ANK3: variants seen among roughly 807,000 people sequenced by gnomAD.
ANK3 encodes the protein ankyrin-3.
ANK3 carries 57 observed loss-of-function variants against 370.9 expected under a neutral mutation model. That is an observed-to-expected ratio of 0.15 (90% CI 0.12 to 0.19). ANK3 has a LOEUF of 0.19. ANK3 is among the 10% of genes least tolerant of loss of function. ANK3 has a pLI of 1.00. For missense variants in ANK3, 4,439 were observed against 5,302.1 expected (o/e 0.84, Z 5.06); for synonymous variants, 1,929 against 1,946.3 (o/e 0.99, Z 0.23).
intron 2 of ANK3, among the ~76,000 whole-genome samples, chr10:60,560,302 T>C (rs1405539863): frequency 6.6e-6 from 1 of 152,200 alleles, no homozygotes; most frequent in Non-Finnish European, 1.5e-5. Context: ...AGCTTTGTTC[T>C]AGAAATTCCC....
intron 2 of ANK3, among the ~76,000 whole-genome samples, chr10:60,451,321 C>A (rs963032036): frequency 8.5e-5 from 13 of 152,164 alleles, no homozygotes; most frequent in Non-Finnish European, 1.5e-5. Flanking sequence ...GCTATGGCAA[C>A]CCTTGGAAAC....
At chr10:60,596,689 T>C (rs1427845127) in intron 2 of ANK3, among the ~76,000 whole-genome samples, 3 of 152,256 alleles carry the variant, frequency 2.0e-5, no homozygotes, top group South Asian at 4.1e-4. Flanking sequence ...TTGAAACAAG[T>C]AAATTACAAG....
At chr10:60,589,302 G>T (rs2133290354) in intron 2 of ANK3, among the ~76,000 whole-genome samples, 1 of 152,178 alleles carries the variant, frequency 6.6e-6, no homozygotes, top group East Asian at 1.9e-4. Flanking sequence ...TTCTAATTTT[G>T]CACATATATG....
intron 2 of ANK3, among the ~76,000 whole-genome samples, chr10:60,514,052 C>T (rs773254138): frequency 6.6e-6 from 1 of 152,124 alleles, no homozygotes; most frequent in Non-Finnish European, 1.5e-5. Flanking sequence ...TTATCTACTT[C>T]CTCTCAATGA....
intron 2 of ANK3, among the ~76,000 whole-genome samples, chr10:60,580,078 G>A (rs1204951555): frequency 6.6e-6 from 1 of 152,122 alleles, no homozygotes; most frequent in African/African-American, 2.4e-5. Flanking sequence ...ATATTATGCT[G>A]TGTTTTAATT....
At chr10:60,593,010 T>C (rs2077938177) in intron 2 of ANK3, among the ~76,000 whole-genome samples, 1 of 152,220 alleles carries the variant, frequency 6.6e-6, no homozygotes, top group Non-Finnish European at 1.5e-5. Flanking sequence ...TCTTTCCCTT[T>C]TTCTTCCCTC....
intron 14 of ANK3, among the ~76,000 whole-genome samples, chr10:60,198,132 T>A (rs971325129): frequency 5.9e-5 from 9 of 152,142 alleles, no homozygotes; most frequent in African/African-American, 2.2e-4. Flanking sequence ...GAAGATAACA[T>A]ACTAAGAAAC....
intron 1 of ANK3, among the ~76,000 whole-genome samples, chr10:60,639,470 A>G (rs1409786627): frequency 6.6e-6 from 1 of 151,312 alleles, no homozygotes; most frequent in Non-Finnish European, 1.5e-5. Flanking sequence ...TAGCAATATT[A>G]TATATATTTA....
chr10:60,502,428 T>C (rs1361264135), intron 2 of ANK3, among the ~76,000 whole-genome samples: 3 of 152,228 alleles, frequency 2.0e-5, no homozygotes, highest in African/African-American at 7.2e-5. Context: ...AGTGTGGCCC[T>C]GGTCCTCAGG....
At chr10:60,452,448 C>A (rs2064632244) in intron 2 of ANK3, among the ~76,000 whole-genome samples, 1 of 152,190 alleles carries the variant, frequency 6.6e-6, no homozygotes, top group Admixed American at 6.5e-5. Context: ...CTGTGCCTGG[C>A]CATACCCTTT....
chr10:60,084,893 A>T (rs2086272350), intron 31 of ANK3, 63 bp from the exon 32 acceptor site: 2 of 1,233,574 alleles, frequency 1.6e-6, no homozygotes, highest in Non-Finnish European at 2.2e-6. Flanking sequence ...TCTTAAAAAG[A>T]CTCACAATTA....
At chr10:60,695,068 G>A (rs1335629186) in intron 1 of ANK3, among the ~76,000 whole-genome samples, 5 of 146,552 alleles carry the variant, frequency 3.4e-5, no homozygotes, top group Admixed American at 3.4e-4. Flanking sequence ...CCAAGCAAAT[G>A]GAAAACAAAA....
intron 2 of ANK3, among the ~76,000 whole-genome samples, chr10:60,409,598 A>C (rs2063519690): frequency 6.6e-6 from 1 of 152,128 alleles, no homozygotes. Flanking sequence ...TTTCTGATGC[A>C]GAACAGCTTG....
intron 38 of ANK3, among the ~76,000 whole-genome samples, chr10:60,065,985 A>C (rs2081568684): frequency 6.6e-6 from 1 of 151,694 alleles, no homozygotes. Context: ...TAACATTATA[A>C]AACGTTCTTG....
At chr10:60,413,871 T>G (rs1230513426) in intron 2 of ANK3, among the ~76,000 whole-genome samples, 1 of 151,826 alleles carries the variant, frequency 6.6e-6, no homozygotes, top group Admixed American at 6.6e-5. Flanking sequence ...GTGGTGCTTG[T>G]TTGCAGTCCC....
intron 16 of ANK3, among the ~76,000 whole-genome samples, chr10:60,195,110 G>C (rs576777238): frequency 5.9e-5 from 9 of 152,140 alleles, no homozygotes; most frequent in Non-Finnish European, 1.3e-4. Flanking sequence ...AAGGGAGGCC[G>C]GGCGCGGTGT....
intron 1 of ANK3, among the ~76,000 whole-genome samples, chr10:60,696,209 T>C (rs1255122730): frequency 6.7e-6 from 1 of 150,078 alleles, no homozygotes; most frequent in Non-Finnish European, 1.5e-5. Flanking sequence ...CAGGAAGAAG[T>C]TGAATCTCTG....
chr10:60,668,809 C>T (rs1246333061), intron 1 of ANK3, among the ~76,000 whole-genome samples: 6 of 152,004 alleles, frequency 3.9e-5, no homozygotes, highest in Admixed American at 1.3e-4. Flanking sequence ...CTGGCCAAGA[C>T]GGTGAAACCT....
chr10:60,363,970 G>GTTTTTT (rs113960102), intron 1 of ANK3, among the ~76,000 whole-genome samples: 2 of 138,204 alleles, frequency 1.4e-5, no homozygotes, highest in African/African-American at 2.7e-5. Flanking sequence ...AAGGAGAAGT[G>GTTTTTT]TTTTTTTTTT....
Sources: gnomAD v4.1 joint callset for allele counts (sites outside exome capture counted in the v4.1 genomes callset) on GRCh38, gnomAD v4.1.1 for gene constraint, MANE v1.5 for transcripts, NCBI Gene and HGNC (gene_info 2026-07-23, HGNC 2026-07-21) for gene names.